The following PCDHGB1 variants were observed in gnomAD, a reference collection of about 807,000 sequenced individuals.
The protein encoded by PCDHGB1 is protocadherin gamma-B1.
Under a neutral mutation model 56.6 loss-of-function variants are expected in PCDHGB1, and 34 were observed. The observed-to-expected ratio is 0.60, with a 90% CI of 0.46 to 0.80. The LOEUF (loss-of-function observed/expected upper bound fraction) is 0.80, where lower values mean the gene tolerates loss of function less well. Among genes scored for constraint, PCDHGB1 ranks in the 30% least tolerant of loss-of-function variants. PCDHGB1 has a pLI of 0.00. For missense variants in PCDHGB1, 1,278 were observed against 1,204.6 expected (o/e 1.06, Z -0.90); for synonymous variants, 561 against 505.9 (o/e 1.11, Z -1.46).
intron 1 of PCDHGB1, among the ~76,000 whole-genome samples, chr5:141,358,954 AT>A (rs1761073251): frequency 6.6e-6 from 1 of 152,182 alleles, no homozygotes; most frequent in South Asian, 2.1e-4. Flanking sequence ...TTGTGCTTTC[AT>A]TTAGGTTCTG....
Position 141,352,455 on chromosome 5 carries a change from G to C in PCDHGB1, c.2195G>C (p.Gly732Ala). The C allele has an allele frequency of 5.0e-6, 8 of 1,613,978 alleles. No individual in the cohort carries two copies. Among genetic ancestry groups the C allele is most frequent in the Non-Finnish European group, 6.8e-6 (8 of 1,179,884 alleles). ...CFQTGLCSKS[G>A]PGVPPNHSEG... is the part of the protein sequence containing the mutation. ...CAAACCGGTCTCTGCTCCAAGTCTG[G>C]GCCCGGGGTTCCTCCCAACCACAGC... Residue 732 changes from glycine to alanine, a missense_variant, in exon 1 of 4, where the codon GGG becomes GCG. Transcript: ENST00000523390.
Position 141,431,634 on chromosome 5 carries a change from T to C in PCDHGB1, c.2410-63173T>C. 2.5e-6 allele frequency: 4 copies of C among 1,614,238 alleles called. No homozygotes were observed. Among genetic ancestry groups the C allele is most frequent in the Non-Finnish European group, 3.4e-6 (4 of 1,180,044 alleles). ...GTGGACGACAAGGCGGCCCAAGTTTTCAAACTAGATTGTAATTCAGGGACA... is the reference window on the plus strand; with the variant it reads ...GTGGACGACAAGGCGGCCCAAGTTTCCAAACTAGATTGTAATTCAGGGACA... On this transcript the variant is annotated intron_variant, in intron 1 of 3. Coordinates refer to ENST00000523390, the MANE Select transcript of PCDHGB1 (RefSeq NM_018922.3). The surrounding 1 kb of genome is among the most constrained non-coding windows in gnomAD (Gnocchi z 4.8).
At chr5:141,361,464 C>T (rs1214574906) in intron 1 of PCDHGB1, 9 of 1,613,932 alleles carry the variant, frequency 5.6e-6, no homozygotes, top group Middle Eastern at 3.3e-4. Flanking sequence ...TGCACATCTC[C>T]GACGTCAACG....
In PCDHGB1 at chr5:141,432,172, C is replaced by G. The variant is rs562175068; in HGVS notation, c.2410-62635C>G. On this transcript the variant is annotated intron_variant, in intron 1 of 3. Transcript: ENST00000523390. This position sits in a 1 kb window ranked among gnomAD's most constrained non-coding sequence, Gnocchi z 6.0. ...AGAACAATCCCAGAGGAGTTTCCCTCGTCTCTGTGACCGCCCACGACCCCG... is the reference window on the plus strand; with the variant it reads ...AGAACAATCCCAGAGGAGTTTCCCTGGTCTCTGTGACCGCCCACGACCCCG... 9 of 1,614,034 alleles carry G rather than the reference C, an allele frequency of 5.6e-6. No homozygotes were observed. The highest frequency in any genetic ancestry group is 7.6e-6 in the Non-Finnish European group (9 of 1,180,046).
intron 1 of PCDHGB1, chr5:141,479,339 G>GTA (rs1298553162): frequency 1.3e-5 from 2 of 152,644 alleles, no homozygotes; most frequent in East Asian, 3.8e-4. Context: ...GTGTGCACCT[G>GTA]TAGTTCTTGC....
At chr5:141,375,018 C>T (rs754559115) in intron 1 of PCDHGB1, 7 of 1,613,982 alleles carry the variant, frequency 4.3e-6, no homozygotes, top group Non-Finnish European at 4.2e-6. Flanking sequence ...TATGAGGACT[C>T]GAGTTTTTAT....
chr5:141,366,873 G>A (rs1764838091), intron 1 of PCDHGB1: 6 of 1,393,396 alleles, frequency 4.3e-6, no homozygotes, highest in Non-Finnish European at 5.8e-6. Flanking sequence ...CTGTATTGGA[G>A]ATTAATTTTT....
chr5:141,388,040 G>T (rs1561617548), intron 1 of PCDHGB1: 1 of 1,412,752 alleles, frequency 7.1e-7, no homozygotes, highest in East Asian at 2.5e-5. Context: ...ACCTCGCCAC[G>T]GACCTGGGGT....
chr5:141,380,347 T>G (rs1408007452), intron 1 of PCDHGB1, among the ~76,000 whole-genome samples: 1 of 152,204 alleles, frequency 6.6e-6, no homozygotes, highest in Non-Finnish European at 1.5e-5. Context: ...AACTGTTTTG[T>G]TGTTTGTTTT....
intron 1 of PCDHGB1, among the ~76,000 whole-genome samples, chr5:141,458,821 C>T (rs1220034390): frequency 6.6e-6 from 1 of 152,146 alleles, no homozygotes; most frequent in Non-Finnish European, 1.5e-5. Flanking sequence ...CAACCTCTGC[C>T]TCCCAGGCTC....
chr5:141,369,491 AC>A lies in PCDHGB1; in HGVS notation c.2409+16826del, dbSNP rs569923210. Among the ~76,000 whole-genome samples, 212 of 152,086 alleles carry A rather than the reference AC, an allele frequency of 1.4e-3. 1 individual carries two copies. Among genetic ancestry groups the A allele is most frequent in the African/African-American group, 4.8e-3 (199 of 41,476 alleles). On this transcript the variant is annotated intron_variant, in intron 1 of 3. Coordinates refer to ENST00000523390, the MANE Select transcript of PCDHGB1 (RefSeq NM_018922.3). ...AGCCCAGCCTGGGCAACATAGTGAA[AC>A]CCCACCTCTATAGAAAAAAAAAGTT...
At chr5:141,394,742 G>A (rs752402821) in intron 1 of PCDHGB1, 5 of 1,613,300 alleles carry the variant, frequency 3.1e-6, no homozygotes, top group African/African-American at 1.3e-5. Flanking sequence ...AGAGCCTCGT[G>A]GTGGCCGTCC....
chr5:141,461,667 G>C (rs1337688159), intron 1 of PCDHGB1, among the ~76,000 whole-genome samples: 4 of 151,994 alleles, frequency 2.6e-5, no homozygotes, highest in African/African-American at 9.7e-5. Context: ...TTTAAAGTTT[G>C]TTATTTTGTT....
chr5:141,376,772 C>T lies in PCDHGB1; in HGVS notation c.2409+24103C>T, dbSNP rs911404342. ...CGCAATCTCGGCTCACTGCAAGCTC[C>T]GCTTCCCGGGTTCACGCCATTCTCC... On this transcript the variant is annotated intron_variant, in intron 1 of 3. Transcript: ENST00000523390. The T allele has an allele frequency of 8.2e-5, 34 of 412,628 alleles. 1 individual carries two copies. The highest frequency in any genetic ancestry group is 3.9e-4 in the Admixed American group (9 of 23,202). 25.6% of individuals were successfully genotyped at this position (412,628 alleles called of 1,614,324 possible).
At chr5:141,361,456 C>T (rs529112132) in intron 1 of PCDHGB1, 1 of 1,614,034 alleles carries the variant, frequency 6.2e-7, no homozygotes, top group South Asian at 1.1e-5. Context: ...TGTCACCCTG[C>T]ACATCTCCGA....
chr5:141,504,242 GTTC>G (rs903218038), intron 2 of PCDHGB1, among the ~76,000 whole-genome samples: 25 of 152,170 alleles, frequency 1.6e-4, no homozygotes, highest in African/African-American at 5.1e-4. Context: ...GAAGCAGAGA[GTTC>G]TTCTTATGGT....
At position 141,489,852 on chromosome 5, in the gene PCDHGB1, C is replaced by G. The variant is rs1197191101; in HGVS notation, c.2410-4955C>G. ...TAGAGCAGCAGCTGGATCGTGAAGC[C>G]CAGGCAAGACATCAGCTGGTGCTTA... On this transcript the variant is annotated intron_variant, in intron 1 of 3. Transcript: ENST00000523390. This position sits in a 1 kb window ranked among gnomAD's most constrained non-coding sequence, Gnocchi z 4.5. The G allele has an allele frequency of 6.2e-7, 1 of 1,614,034 alleles. No homozygotes were observed. Among genetic ancestry groups the G allele is most frequent in the Admixed American group, 1.7e-5 (1 of 60,004 alleles).
chr5:141,366,395 C>T (rs1764534294), intron 1 of PCDHGB1: 1 of 1,614,178 alleles, frequency 6.2e-7, no homozygotes, highest in African/African-American at 1.3e-5. Context: ...GGATCTGGAC[C>T]TCACACTCTA....
At chr5:141,421,283 T>G (rs2096560959) in intron 1 of PCDHGB1, 4 of 1,612,952 alleles carry the variant, frequency 2.5e-6, no homozygotes, top group Non-Finnish European at 3.4e-6. Flanking sequence ...CTGCTGTGCA[T>G]TTTCCTGGGG....
Sources: allele counts gnomAD v4.1 joint callset (sites outside exome capture counted in the v4.1 genomes callset), GRCh38; gene constraint gnomAD v4.1.1; non-coding constraint Gnocchi (gnomAD v3.1); transcripts MANE v1.5; gene names NCBI Gene and HGNC (gene_info 2026-07-23, HGNC 2026-07-21).